The following PPFIA1 variants were observed in gnomAD, a reference collection of about 807,000 sequenced individuals.
PPFIA1 encodes the protein PPFI scaffold protein A1.
A neutral mutation model predicts 149.9 loss-of-function variants in PPFIA1; 25 were observed. The ratio of observed to expected loss-of-function variants is 0.17; its 90% CI spans 0.12 to 0.23. The LOEUF (loss-of-function observed/expected upper bound fraction) is 0.23, where lower values mean the gene tolerates loss of function less well. Ranked by LOEUF, PPFIA1 falls within the 10% of genes least tolerant of loss-of-function variation. The pLI, the probability that PPFIA1 is intolerant of heterozygous loss-of-function variation, is 1.00. For synonymous variants in PPFIA1, 549 were observed against 552.8 expected, an observed-to-expected ratio of 0.99 and a Z score of 0.10; for missense variants, 1,362 against 1,506.5, an observed-to-expected ratio of 0.90 and a Z score of 1.59.
chr11:70,314,551 T>A (rs747038940), intron 2 of PPFIA1, among the ~76,000 whole-genome samples: 4 of 152,218 alleles, frequency 2.6e-5, no homozygotes, highest in Non-Finnish European at 5.9e-5. Flanking sequence ...CATTCCCAAC[T>A]GTAGTGGGTA....
rs146616671 is a variant in PPFIA1 at position 70,374,986 on chromosome 11, A to G, written c.3208A>G (p.Asn1070Asp). ...ILSIGLKEYA[N>D]NLIESGVHGA... Reference sequence around the variant, plus strand: ...GTCAATTGGCCTTAAAGAATATGCAAACAATCTTATAGAGAGTGGTGTTCA... The same window carrying G: ...GTCAATTGGCCTTAAAGAATATGCAGACAATCTTATAGAGAGTGGTGTTCA... Residue 1070 changes from asparagine (N) to aspartate (D), a missense_variant, in exon 24 of 28, where the codon AAC becomes GAC. Physicochemically the swap from Asn to Asp is conservative, Grantham distance 23 (BLOSUM62 1). Coordinates refer to ENST00000253925, the MANE Select transcript of PPFIA1 (RefSeq NM_003626.5). 2.0e-5 allele frequency: 32 copies of G among 1,613,744 alleles called. No homozygotes were observed. In the Admixed American group the frequency reaches 2.8e-4, roughly 14 times the overall value.
intron 2 of PPFIA1, among the ~76,000 whole-genome samples, chr11:70,322,872 G>A (rs1399246802): frequency 6.6e-6 from 1 of 152,100 alleles, no homozygotes; most frequent in Non-Finnish European, 1.5e-5. Flanking sequence ...CCCCAGCCAG[G>A]CGCAGCTTTG....
chr11:70,330,226 C>G lies in PPFIA1; in HGVS notation c.984C>G (p.Arg328=). The G allele has an allele frequency of 6.2e-7, 1 of 1,602,962 alleles. No homozygotes were observed. Among genetic ancestry groups the G allele is most frequent in the Non-Finnish European group, 8.5e-7 (1 of 1,175,820 alleles). Reference sequence around the variant, plus strand: ...AGAGAATCACTACTCTTGAAAAACGCTACCTCGCTGCACAGCGTGAAGCCA... The same window carrying G: ...AGAGAATCACTACTCTTGAAAAACGGTACCTCGCTGCACAGCGTGAAGCCA... ...MEERITTLEK[R]YLAAQREATS... is the part of the protein sequence containing the mutation. Residue 328 remains arginine (R), a synonymous_variant, in exon 8 of 28, where the codon CGC becomes CGG. Coordinates refer to ENST00000253925, the MANE Select transcript of PPFIA1 (RefSeq NM_003626.5).
rs774800262 is a variant in PPFIA1 at position 70,343,692 on chromosome 11, T to C, written c.1731T>C (p.Asp577=). Residue 577 remains aspartate, a synonymous_variant, in exon 15 of 28, where the codon GAT becomes GAC. Transcript: ENST00000253925. ...AGGTACAAACTCTTAATGAGCAGGA[T>C]TGGGAACGTGCCCAGCAAGCTAGTG... The part of the protein sequence containing the change: ...PSKVQTLNEQ[D]WERAQQASVL... 11 of 1,614,120 alleles carry C rather than the reference T, an allele frequency of 6.8e-6. No individual in the cohort carries two copies. The African/African-American group carries it at 1.3e-4, about 20-fold the overall frequency.
At chr11:70,378,859 GTTGACCATGGCTTCC>G (rs2057592560) in intron 26 of PPFIA1, among the ~76,000 whole-genome samples, 2 of 152,210 alleles carry the variant, frequency 1.3e-5, no homozygotes, top group South Asian at 4.1e-4. Flanking sequence ...GAGGTTAACA[GTTGACCATGGCTTCC>G]TTACAGGTCT....
rs367888774 is a variant in PPFIA1, at chr11:70,355,609, A to T, written c.2316-30A>T. On this transcript the variant is annotated intron_variant, in intron 17 of 27. Transcript: ENST00000253925. Reference sequence around the variant, plus strand: ...TATGTGAAGTATCCTACAAGGGCACATAGTAAAGATCCGTTTTCTTTCCTC... The same window carrying T: ...TATGTGAAGTATCCTACAAGGGCACTTAGTAAAGATCCGTTTTCTTTCCTC... 25 of 1,573,434 alleles carry T rather than the reference A, an allele frequency of 1.6e-5. No individual in the cohort carries two copies. In the African/African-American group the frequency reaches 3.2e-4, roughly 20 times the overall value.
At chr11:70,375,224 T>G (rs1320827554) in intron 24 of PPFIA1, 131 bp downstream of exon 24, 7 of 99,372 alleles carry the variant, frequency 7.0e-5, no homozygotes, top group Admixed American at 5.0e-4. Flanking sequence ...TAGTTTTTGG[T>G]TTTTTTTTTT....
intron 2 of PPFIA1, among the ~76,000 whole-genome samples, chr11:70,304,507 G>A (rs2052711154): frequency 1.3e-5 from 2 of 152,278 alleles, no homozygotes; most frequent in South Asian, 2.1e-4. Context: ...TGTAAGTAAA[G>A]TGCTCCTCTG....
chr11:70,312,164 CT>C (rs916111190), intron 2 of PPFIA1, among the ~76,000 whole-genome samples: 1 of 151,624 alleles, frequency 6.6e-6, no homozygotes, highest in Non-Finnish European at 1.5e-5. Context: ...ATTTTGTTGT[CT>C]TTTTTTATTT....
chr11:70,340,923 C>CG (rs1296100725), intron 14 of PPFIA1: 1 of 333,814 alleles, frequency 3.0e-6, no homozygotes, highest in Non-Finnish European at 5.8e-6. Flanking sequence ...AACTGGCCAC[C>CG]GGGGCTGCTC....
intron 2 of PPFIA1, among the ~76,000 whole-genome samples, chr11:70,283,624 C>T (rs1023853044): frequency 2.6e-5 from 4 of 152,098 alleles, no homozygotes; most frequent in African/African-American, 9.7e-5. Flanking sequence ...GCAGTTCCTG[C>T]AATGTGGGCA....
chr11:70,328,258 G>A (rs934100229), intron 7 of PPFIA1, among the ~76,000 whole-genome samples: 6 of 152,034 alleles, frequency 3.9e-5, no homozygotes, highest in African/African-American at 1.4e-4. Flanking sequence ...ATAGGCCCCA[G>A]TGTGTGTTGT....
At position 70,372,814 on chromosome 11, in the gene PPFIA1, G is replaced by A. The variant is rs114558141; in HGVS notation, c.3139+240G>A. ...ATCAGTCTGGAGGTTAAATGTCTCC[G>A]GCTAGTCGTTTCCTGTGAGTTGAGA... is the stretch of plus-strand genomic sequence containing the variant. On this transcript the variant is annotated intron_variant, in intron 23 of 27. Coordinates refer to ENST00000253925, the MANE Select transcript of PPFIA1 (RefSeq NM_003626.5). 9.1e-3 allele frequency among the ~76,000 whole-genome samples: 1,385 copies of A among 152,292 alleles called. 20 individuals are homozygous for A. Among genetic ancestry groups the A allele is most frequent in the African/African-American group, 0.032 (1,331 of 41,542 alleles).
At chr11:70,284,335 T>C (rs1349593053) in intron 2 of PPFIA1, among the ~76,000 whole-genome samples, 1 of 152,236 alleles carries the variant, frequency 6.6e-6, no homozygotes, top group African/African-American at 2.4e-5. Flanking sequence ...CCTTTCAGAA[T>C]AATATTTGGC....
Position 70,332,421 on chromosome 11 carries a change from C to T in PPFIA1, c.1212+327C>T, listed in dbSNP as rs2054721785. 1.3e-5 allele frequency among the ~76,000 whole-genome samples: 2 copies of T among 152,034 alleles called. 1 individual carries two copies. The highest frequency in any genetic ancestry group is 4.2e-4 in the South Asian group (2 of 4,816). ...TCTGTAAAAGAAGGGTAGTTTTTCT[C>T]AGAAATAGGAAGATGCCGTTCTTTT... is the stretch of plus-strand genomic sequence containing the variant. On this transcript the variant is annotated intron_variant, in intron 9 of 27. Coordinates refer to ENST00000253925, the MANE Select transcript of PPFIA1 (RefSeq NM_003626.5).
chr11:70,319,582 C>T (rs1233010708), intron 2 of PPFIA1, among the ~76,000 whole-genome samples: 1 of 152,202 alleles, frequency 6.6e-6, no homozygotes, highest in African/African-American at 2.4e-5. Flanking sequence ...TGCTCCAACA[C>T]ACCCATTTTG....
At chr11:70,313,235 A>G (rs914508242) in intron 2 of PPFIA1, among the ~76,000 whole-genome samples, 1 of 152,216 alleles carries the variant, frequency 6.6e-6, no homozygotes, top group African/African-American at 2.4e-5. Context: ...ATAGAGTATC[A>G]AGGTCTGGAT....
At chr11:70,345,590 A>G (rs2055640531) in intron 15 of PPFIA1, among the ~76,000 whole-genome samples, 1 of 152,150 alleles carries the variant, frequency 6.6e-6, no homozygotes, top group East Asian at 1.9e-4. Flanking sequence ...ACTGGTTTAG[A>G]GGAGACTAGG....
chr11:70,320,193 GA>G (rs2053853951), intron 2 of PPFIA1: 1 of 152,278 alleles, frequency 6.6e-6, no homozygotes, highest in Non-Finnish European at 1.5e-5. Flanking sequence ...ACACAACAGT[GA>G]AAAGGTACAA....
Sources: gnomAD v4.1 joint callset for allele counts (sites outside exome capture counted in the v4.1 genomes callset) on GRCh38, gnomAD v4.1.1 for gene constraint, MANE v1.5 for transcripts, NCBI Gene and HGNC (gene_info 2026-07-23, HGNC 2026-07-21) for gene names.